Variants in DUOX2 observed in about 807,000 individuals in gnomAD.
DUOX2 encodes dual oxidase 2.
DUOX2 carries 185 observed loss-of-function variants against 183.3 expected under a neutral mutation model. The observed-to-expected ratio is 1.01, with a 90% CI of 0.90 to 1.14. The LOEUF is 1.14. Among genes scored for constraint, DUOX2 ranks in the 50% most tolerant of loss-of-function variants. The pLI, the probability that DUOX2 is intolerant of heterozygous loss-of-function variation, is 0.00. For synonymous variants in DUOX2, 788 were observed against 812.4 expected (o/e 0.97, Z 0.51); for missense variants, 1,999 against 2,022.9 (o/e 0.99, Z 0.23).
In DUOX2 at chr15:45,114,140, A is replaced by T; in HGVS notation, c.-182T>A. 1 of 251,236 alleles carries T rather than the reference A, an allele frequency of 4.0e-6. No homozygotes were observed. Among genetic ancestry groups the T allele is most frequent in the Non-Finnish European group, 7.9e-6 (1 of 127,078 alleles). The allele number at this position is 251,236 out of a possible 1,614,324, so 15.6% of individuals were successfully genotyped here. ...TGGGTCCTTGGTCTCGCCACTGTGC[A>T]GGTGTCGGCTCAGGACAGACCTGCG... On this transcript the variant is annotated 5_prime_UTR_variant, in exon 1 of 34. Transcript: ENST00000389039.
intron 3 of DUOX2, 93 bp downstream of exon 3, chr15:45,112,894 C>G: frequency 6.5e-7 from 1 of 1,548,916 alleles, no homozygotes; most frequent in Non-Finnish European, 8.9e-7. Context: ...AGCTGCTGGG[C>G]GCGTGTTCCC....
intron 10 of DUOX2, 106 bp from the exon 11 acceptor site, chr15:45,109,732 G>T: frequency 1.5e-6 from 2 of 1,355,462 alleles, no homozygotes; most frequent in Non-Finnish European, 2.1e-6. Context: ...GCCAGTCCCA[G>T]ACTCTCTTGA....
chr15:45,095,902 C>G lies in DUOX2; in HGVS notation c.4006G>C (p.Val1336Leu). 2 of 1,613,990 alleles carry G rather than the reference C, an allele frequency of 1.2e-6. No homozygotes were observed. The highest frequency in any genetic ancestry group is 1.7e-6 in the Non-Finnish European group (2 of 1,179,994). ...CTGAGGCGAGTGGTCCAGGGCCCCA[C>G]TGCCCGGATGTGCAGGCTGAGTGTG... Reference protein sequence around the residue: ...EDTLSLHIRAVGPWTTRLREI... With the variant: ...EDTLSLHIRALGPWTTRLREI... Residue 1336 changes from valine (V) to leucine (L), a missense_variant, in exon 30 of 34, where the codon GTG (valine) becomes CTG (leucine). Val to Leu is a conservative substitution (Grantham distance 32). Coordinates refer to ENST00000389039, the MANE Select transcript of DUOX2 (RefSeq NM_001363711.2).
chr15:45,103,603 G>A (rs960263176), intron 20 of DUOX2, among the ~76,000 whole-genome samples: 1 of 152,190 alleles, frequency 6.6e-6, no homozygotes, highest in African/African-American at 2.4e-5. Context: ...GTTTCACTGG[G>A]TAGAGCACGG....
In DUOX2 at chr15:45,098,021, G is replaced by A. The variant is rs866582409; in HGVS notation, c.3553C>T (p.Gln1185Ter). 2 of 1,614,106 alleles carry A rather than the reference G, an allele frequency of 1.2e-6. No homozygotes were observed. The highest frequency in any genetic ancestry group is 2.2e-5 in the East Asian group (1 of 44,884). The stretch of plus-strand genomic sequence containing the variant: ...CCACGTTTCCTACCTGGGACGGTCT[G>A]GAAGAACCACCAATAGAACTTCTGG... ...LPQKFYWWFF[Q>*]TVPGMTGVLL... The change falls in exon 27 of 34, where the codon CAG (glutamine) becomes TAG (stop). Residue 1185 changes from glutamine (Q) to a stop codon, truncating the protein, a stop_gained. Coordinates refer to ENST00000389039, the MANE Select transcript of DUOX2 (RefSeq NM_001363711.2). LOFTEE classifies it high-confidence loss of function.
At position 45,093,435 on chromosome 15, in the gene DUOX2, G is replaced by A. The variant is rs946676412; in HGVS notation, c.*715C>T. ...ACATCAAGAATATCAGGGCTGGGGA[G>A]GCATCTTTGTTTCCTGGTGCCCTCC... On this transcript the variant is annotated 3_prime_UTR_variant, in exon 34 of 34. Transcript: ENST00000389039. 2.0e-5 allele frequency: 3 copies of A among 152,618 alleles called. No individual in the cohort carries two copies. Among genetic ancestry groups the A allele is most frequent in the African/African-American group, 7.2e-5 (3 of 41,440 alleles). The allele number at this position is 152,618 out of a possible 1,614,324, so 9.5% of individuals were successfully genotyped here.
rs570699350 is a variant in DUOX2 at position 45,094,942 on chromosome 15, G to A, written c.4389C>T (p.Thr1463=). ...QLAEKFDLRT[T]MLYICERHFQ... ...CTGGCGGGCCCTGACATACTAGCAT[G>A]GTGGTCCTGAGGTCGAACTTCTCAG... Residue 1463 remains threonine (T), a synonymous_variant, in exon 32 of 34, where the codon ACC becomes ACT. Coordinates refer to ENST00000389039, the MANE Select transcript of DUOX2 (RefSeq NM_001363711.2). 1.9e-6 allele frequency: 3 copies of A among 1,614,096 alleles called. No individual in the cohort carries two copies. The highest frequency in any genetic ancestry group is 2.2e-5 in the East Asian group (1 of 44,868).
Position 45,098,201 on chromosome 15 carries a change from G to T in DUOX2, c.3516-143C>A, listed in dbSNP as rs993012087. The T allele has an allele frequency of 6.7e-6, 5 of 747,100 alleles. No individual in the cohort carries two copies. The African/African-American group carries it at 8.8e-5, about 13-fold the overall frequency. 46.3% of individuals were successfully genotyped at this position (747,100 alleles called of 1,614,324 possible). ...CCAGTTGGCCAGGGATCCCTCCAAG[G>T]AACTTGGCACCCAGGCTTCCATGGT... On this transcript the variant is annotated intron_variant, in intron 26 of 33. Transcript: ENST00000389039.
intron 2 of DUOX2, 38 bp downstream of exon 2, chr15:45,113,304 T>TG (rs748683583): frequency 6.5e-7 from 1 of 1,550,042 alleles, no homozygotes; most frequent in Non-Finnish European, 8.7e-7. Flanking sequence ...CCAGGGATCC[T>TG]GGGGAACACC....
intron 29 of DUOX2, among the ~76,000 whole-genome samples, chr15:45,096,557 C>A (rs1893906315): frequency 6.6e-6 from 1 of 152,178 alleles, no homozygotes; most frequent in African/African-American, 2.4e-5. Flanking sequence ...TAGAAGACAA[C>A]ATATTTTGTT....
intron 20 of DUOX2, among the ~76,000 whole-genome samples, 191 bp from the exon 21 acceptor site, chr15:45,102,180 C>T (rs1392407566): frequency 6.6e-6 from 1 of 152,182 alleles, no homozygotes; most frequent in Admixed American, 6.5e-5. Flanking sequence ...AAAGGCAGAA[C>T]AGAATTGAAA....
Position 45,100,827 on chromosome 15 carries a change from TG to T in DUOX2, c.2932del (p.Gln978ArgfsTer18). On this transcript the variant is annotated frameshift_variant, in exon 23 of 34. Coordinates refer to ENST00000389039, the MANE Select transcript of DUOX2 (RefSeq NM_001363711.2). LOFTEE classifies it high-confidence loss of function. ...TTCTGGGGCAGGGGGCCCCAGTCCC[TG>T]GGGGTGGGAGCTGAGAAAAAGAAAT... ...TRTPGERSHP[Q>X]GLGPPAPEAP... 1 of 1,611,270 alleles carries T rather than the reference TG, an allele frequency of 6.2e-7. No individual in the cohort carries two copies. The highest frequency in any genetic ancestry group is 1.1e-5 in the South Asian group (1 of 91,010).
chr15:45,109,108 C>G (rs1894310610), intron 11 of DUOX2, 156 bp from the exon 12 acceptor site: 1 of 975,944 alleles, frequency 1.0e-6, no homozygotes, highest in African/African-American at 1.6e-5. Context: ...TGCCTTGCTG[C>G]AAGGCCAATG....
At chr15:45,110,844 G>A in intron 7 of DUOX2, 134 bp from the exon 8 acceptor site, 4 of 1,337,380 alleles carry the variant, frequency 3.0e-6, no homozygotes, top group Non-Finnish European at 4.1e-6. Flanking sequence ...ACTCAGACAG[G>A]AGCAGTGTGA....
At chr15:45,109,431 T>A (rs1207385705) in intron 11 of DUOX2, 93 bp downstream of exon 11, 1 of 1,046,880 alleles carries the variant, frequency 9.6e-7, no homozygotes, top group Non-Finnish European at 1.5e-6. Context: ...TGTTCCTGCA[T>A]CGTGAGCGCC....
In DUOX2 at chr15:45,111,767, C is replaced by T; in HGVS notation, c.513+1G>A. On this transcript the variant is annotated splice_donor_variant, in intron 5 of 33. Coordinates refer to ENST00000389039, the MANE Select transcript of DUOX2 (RefSeq NM_001363711.2). LOFTEE classifies it high-confidence loss of function. ...CCTTCCCGCCGCCTTCCCCGCCTCACCAGGTCCCGGGGGTTGCTGGGACTC... is the reference window on the plus strand; with the variant it reads ...CCTTCCCGCCGCCTTCCCCGCCTCATCAGGTCCCGGGGGTTGCTGGGACTC... 2.5e-6 allele frequency: 4 copies of T among 1,594,334 alleles called. No homozygotes were observed. Among genetic ancestry groups the T allele is most frequent in the Non-Finnish European group, 3.4e-6 (4 of 1,170,910 alleles).
At chr15:45,105,425 G>T (rs1894185583) in intron 18 of DUOX2, among the ~76,000 whole-genome samples, 1 of 152,208 alleles carries the variant, frequency 6.6e-6, no homozygotes, top group Admixed American at 6.5e-5. Context: ...TTTCATCACT[G>T]TTTTATAGAT....
chr15:45,106,405 T>C, intron 16 of DUOX2, 78 bp from the exon 17 acceptor site: 1 of 1,595,850 alleles, frequency 6.3e-7, no homozygotes, highest in South Asian at 1.1e-5. Flanking sequence ...CCTCTGTGAG[T>C]CTGAGCAGGC....
intron 29 of DUOX2, 106 bp downstream of exon 29, chr15:45,097,130 GAC>G: frequency 6.5e-7 from 1 of 1,530,802 alleles, no homozygotes; most frequent in Non-Finnish European, 9.0e-7. Context: ...TGTTTTTGGA[GAC>G]AGAGTCAGAG....
Sources: allele counts gnomAD v4.1 joint callset (sites outside exome capture counted in the v4.1 genomes callset), GRCh38; gene constraint gnomAD v4.1.1; transcripts MANE v1.5; gene names NCBI Gene and HGNC (gene_info 2026-07-23, HGNC 2026-07-21).